CFAP91: variants seen among roughly 807,000 people sequenced by gnomAD.
The protein encoded by CFAP91 is cilia and flagella associated protein 91, also known as cilia- and flagella-associated protein 91.
In CFAP91, 85 loss-of-function variants were observed where a neutral mutation model predicts 95.9. The ratio of observed to expected loss-of-function variants is 0.89; its 90% CI spans 0.74 to 1.06. The LOEUF (loss-of-function observed/expected upper bound fraction) is 1.06. Among genes scored for constraint, CFAP91 ranks in the 50% least tolerant of loss-of-function variants. The probability of loss-of-function intolerance (pLI) is 0.00; values close to 1 mark genes in which losing one functional copy is unlikely to be tolerated. For synonymous variants in CFAP91, 335 were observed against 327.5 expected, an observed-to-expected ratio of 1.02 and a Z score of -0.25; for missense variants, 962 against 943.4, an observed-to-expected ratio of 1.02 and a Z score of -0.26.
intron 16 of CFAP91, among the ~76,000 whole-genome samples, chr3:119,749,811 A>G (rs1435411151): frequency 1.3e-5 from 2 of 152,216 alleles, no homozygotes; most frequent in Non-Finnish European, 2.9e-5. Context: ...ATTTTGAGGT[A>G]TATCACTTTT....
chr3:119,729,083 C>A (rs569688109), intron 7 of CFAP91, among the ~76,000 whole-genome samples: 3 of 152,108 alleles, frequency 2.0e-5, no homozygotes, highest in Non-Finnish European at 2.9e-5. Flanking sequence ...ATGTTCAAAT[C>A]TCTGTTTTAG....
At chr3:119,749,773 A>C in intron 16 of CFAP91, among the ~76,000 whole-genome samples, 1 of 152,186 alleles carries the variant, frequency 6.6e-6, no homozygotes, top group Non-Finnish European at 1.5e-5. Flanking sequence ...CTCTTTACCC[A>C]AAATTAAGAT....
chr3:119,732,070 T>G (rs1228206152), intron 8 of CFAP91, among the ~76,000 whole-genome samples: 1 of 152,232 alleles, frequency 6.6e-6, no homozygotes, highest in Non-Finnish European at 1.5e-5. Context: ...TTGAGGACAC[T>G]AGCTGATTCT....
chr3:119,706,230 G>A (rs929686579), intron 1 of CFAP91: 1 of 152,450 alleles, frequency 6.6e-6, no homozygotes, highest in Non-Finnish European at 1.5e-5. Flanking sequence ...TAATAGCAGG[G>A]CAATATTTTG....
At chr3:119,715,047 CATTT>C (rs2053547409) in intron 5 of CFAP91, among the ~76,000 whole-genome samples, 1 of 152,196 alleles carries the variant, frequency 6.6e-6, no homozygotes, top group African/African-American at 2.4e-5. Context: ...ATTATTGAAT[CATTT>C]ATCCAGATAG....
intron 17 of CFAP91, among the ~76,000 whole-genome samples, chr3:119,756,662 G>A (rs79197150): frequency 6.6e-6 from 1 of 152,260 alleles, no homozygotes; most frequent in Non-Finnish European, 1.5e-5. Context: ...TGTTTAGGAG[G>A]AGGATAAAAG....
intron 8 of CFAP91, among the ~76,000 whole-genome samples, chr3:119,730,601 A>AGT (rs60453079): frequency 0.013 from 1,823 of 137,158 alleles, 19 homozygotes; most frequent in African/African-American, 0.029. Flanking sequence ...TTACTGAGAT[A>AGT]GTGTGTGTGT....
At position 119,708,656 on chromosome 3, in the gene CFAP91, G is replaced by A. The variant is rs1205193979; in HGVS notation, c.425G>A (p.Arg142His). ...GATCCTGAAGTTACTGGAAAGAATC[G>A]CTATAAATACTTTGAAAGGTAGAAC... ...YEDPEVTGKN[R>H]YKYFERPFLP... The change falls in exon 4 of 18, where the codon CGC becomes CAC. Residue 142 changes from arginine (R) to histidine (H), a missense_variant. Arg to His is a conservative substitution (Grantham distance 29). Coordinates refer to ENST00000273390, the MANE Select transcript of CFAP91 (RefSeq NM_033364.4). 8.2e-6 allele frequency: 13 copies of A among 1,591,460 alleles called. No individual in the cohort carries two copies. Among genetic ancestry groups the A allele is most frequent in the Middle Eastern group, 1.7e-4 (1 of 6,032 alleles).
chr3:119,709,770 G>C, intron 4 of CFAP91, 69 bp from the exon 5 acceptor site: 1 of 1,103,624 alleles, frequency 9.1e-7, no homozygotes, highest in Non-Finnish European at 1.4e-6. Context: ...AAATATTAGA[G>C]CTGGAAGAGA....
intron 3 of CFAP91, among the ~76,000 whole-genome samples, chr3:119,707,833 G>C (rs1386821027): frequency 1.3e-5 from 2 of 151,544 alleles, no homozygotes; most frequent in Non-Finnish European, 2.9e-5. Flanking sequence ...CTTAGCAACT[G>C]AAAGTGCTCT....
intron 11 of CFAP91, 131 bp from the exon 12 acceptor site, chr3:119,739,124 C>G: frequency 1.4e-6 from 1 of 734,870 alleles, no homozygotes. Flanking sequence ...CAGGGACCAT[C>G]TTTTATTTCT....
chr3:119,732,550 A>G, intron 9 of CFAP91, 74 bp downstream of exon 9: 1 of 1,035,362 alleles, frequency 9.7e-7, no homozygotes, highest in Non-Finnish European at 1.4e-6. Context: ...TATAAAATGT[A>G]GAAATTTAGA....
chr3:119,726,342 T>C lies in CFAP91; in HGVS notation c.854T>C (p.Ile285Thr), dbSNP rs1017700403. 6.2e-7 allele frequency: 1 copy of C among 1,610,052 alleles called. No individual in the cohort carries two copies. The change falls in exon 7 of 18, where the codon ATT (isoleucine) becomes ACT (threonine). Residue 285 changes from isoleucine to threonine, a missense_variant. Transcript: ENST00000273390. Reference protein sequence around the residue: ...RKEWAFREQEIEKLQEIRLEV... With the variant: ...RKEWAFREQETEKLQEIRLEV... ...GAGTGGGCCTTCAGAGAGCAGGAGA[T>C]TGAAAAGTAGGTTCTCTATCACCCA...
intron 16 of CFAP91, among the ~76,000 whole-genome samples, chr3:119,748,402 C>T (rs376347615): frequency 2.6e-5 from 4 of 152,008 alleles, no homozygotes; most frequent in East Asian, 1.9e-4. Flanking sequence ...CATTTGTCAC[C>T]GGTGGCATGT....
Position 119,733,354 on chromosome 3 carries a change from C to T in CFAP91, c.1202-10C>T. On this transcript the variant is annotated splice_polypyrimidine_tract_variant and intron_variant, in intron 9 of 17. Transcript: ENST00000273390. Reference sequence around the variant, plus strand: ...ACTGGATACTAAAAACATGTGCTTCCTTCCCATAGGATTAGTGGAACTTGA... The same window carrying T: ...ACTGGATACTAAAAACATGTGCTTCTTTCCCATAGGATTAGTGGAACTTGA... The T allele has an allele frequency of 1.2e-6, 2 of 1,613,090 alleles. No homozygotes were observed. Among genetic ancestry groups the T allele is most frequent in the Non-Finnish European group, 1.7e-6 (2 of 1,179,640 alleles).
intron 17 of CFAP91, among the ~76,000 whole-genome samples, chr3:119,751,890 A>G (rs1315960385): frequency 1.3e-5 from 2 of 152,188 alleles, no homozygotes; most frequent in Non-Finnish European, 2.9e-5. Flanking sequence ...ACAAAAGTCA[A>G]CATACTCACA....
intron 9 of CFAP91, 26 bp from the exon 10 acceptor site, chr3:119,733,338 T>C (rs747812262): frequency 1.2e-6 from 2 of 1,611,798 alleles, no homozygotes; most frequent in Admixed American, 3.4e-5. Context: ...CACTGGATAC[T>C]AAAAACATGT....
intron 1 of CFAP91, among the ~76,000 whole-genome samples, chr3:119,703,781 TTC>T (rs1193801453): frequency 5.9e-5 from 9 of 152,200 alleles, no homozygotes; most frequent in Admixed American, 5.2e-4. Context: ...ATTTTATGTT[TTC>T]TCTCTCTCCA....
intron 9 of CFAP91, 117 bp from the exon 10 acceptor site, chr3:119,733,247 A>G: frequency 1.1e-6 from 1 of 952,038 alleles, no homozygotes; most frequent in Non-Finnish European, 1.6e-6. Context: ...TATGAGATAC[A>G]CCCTCTCAAC....
Sources: gnomAD v4.1 joint callset for allele counts (sites outside exome capture counted in the v4.1 genomes callset) on GRCh38, gnomAD v4.1.1 for gene constraint, MANE v1.5 for transcripts, NCBI Gene and HGNC (gene_info 2026-07-23, HGNC 2026-07-21) for gene names.